Variants in NLRP1 observed in about 807,000 individuals in gnomAD.
NLRP1 encodes NACHT, LRR and PYD domains-containing protein 1.
A neutral mutation model predicts 136.7 loss-of-function variants in NLRP1; 94 were observed. That is an observed-to-expected ratio of 0.69 (90% CI 0.58 to 0.82). The LOEUF (loss-of-function observed/expected upper bound fraction) is 0.82. Ranked by LOEUF, NLRP1 falls within the 40% of genes least tolerant of loss-of-function variation. The pLI is 0.00. For missense variants in NLRP1, 1,575 were observed against 1,802.7 expected, an observed-to-expected ratio of 0.87 and a Z score of 2.29; for synonymous variants, 690 against 725.1, an observed-to-expected ratio of 0.95 and a Z score of 0.78.
chr17:5,512,604 C>T (rs1461210200), downstream of NLRP1: 1 of 477,522 alleles, frequency 2.1e-6, no homozygotes, highest in Non-Finnish European at 3.9e-6. Context: ...GCGTGAAGGA[C>T]CCGAAAGACA....
At chr17:5,509,669 T>C (rs1180784410), downstream of NLRP1, among the ~76,000 whole-genome samples, 8 of 152,118 alleles carry the variant, frequency 5.3e-5, no homozygotes, top group East Asian at 5.8e-4. Flanking sequence ...GCCCAGCTCA[T>C]TTTGTTTGTA....
chr17:5,549,590 A>G (rs955494798), intron 5 of NLRP1, among the ~76,000 whole-genome samples: 4 of 152,252 alleles, frequency 2.6e-5, no homozygotes, highest in Admixed American at 1.3e-4. Flanking sequence ...CCTAATTTTA[A>G]TATTTGTAGA....
intron 4 of NLRP1, among the ~76,000 whole-genome samples, chr17:5,554,654 A>G (rs921863333): frequency 2.0e-5 from 3 of 152,178 alleles, no homozygotes; most frequent in Non-Finnish European, 4.4e-5. Context: ...ATTAAAAGCT[A>G]CTAAAGAGTA....
In NLRP1 at chr17:5,559,141, C is replaced by T. The variant is rs1425612532; in HGVS notation, c.1555G>A (p.Val519Met). Reference protein sequence around the residue: ...SNKELWALCLVPWVSWLACTC... With the variant: ...SNKELWALCLMPWVSWLACTC... ...CAGGCCAGCCAGGACACCCAGGGCA[C>T]AAGACACAGGGCCCAGAGCTCTTTG... Residue 519 changes from valine to methionine, a missense_variant, in exon 4 of 17, where the codon GTG (valine) becomes ATG (methionine). Physicochemically the swap from Val to Met is conservative, Grantham distance 21. Transcript: ENST00000572272. 8 of 1,614,158 alleles carry T rather than the reference C, an allele frequency of 5.0e-6. No individual in the cohort carries two copies. In the East Asian group the frequency reaches 1.6e-4, roughly 31 times the overall value.
chr17:5,508,290 T>C (rs12603924), intron 15 of NLRP1, among the ~76,000 whole-genome samples: 49,609 of 151,898 alleles, frequency 0.33, 9,315 homozygotes, highest in African/African-American at 0.53. Context: ...CGAACGAGAC[T>C]CTGTCTCAAA....
chr17:5,553,408 G>A lies in NLRP1; in HGVS notation c.2506C>T (p.Arg836Cys), dbSNP rs1416367311. Residue 836 changes from arginine (R) to cysteine (C), a missense_variant, in exon 5 of 17, where the codon CGC becomes TGC. Arg to Cys is a radical substitution (Grantham distance 180). Transcript: ENST00000572272. ...KSLCKTLRRP[R>C]CLLETLRLAG... ...CACCGCAGGGTCTCCAGGAGGCAGC[G>A]AGGGCGTCTCAGGGTCTTACAAAGA... 6.2e-6 allele frequency: 10 copies of A among 1,613,468 alleles called. No homozygotes were observed. The highest frequency in any genetic ancestry group is 4.0e-5 in the African/African-American group (3 of 74,890).
chr17:5,537,604 G>A lies in NLRP1; in HGVS notation c.2871-664C>T, dbSNP rs545484485. On this transcript the variant is annotated intron_variant, in intron 7 of 16. Transcript: ENST00000572272. This position sits in a 1 kb window ranked among gnomAD's most constrained non-coding sequence, Gnocchi z 4.5. ...TGTTCTGAGGCCCAGACAAGGAGGC[G>A]GTGAAAAGACCCTGTCTTCTGCGAA... 5.9e-5 allele frequency among the ~76,000 whole-genome samples: 9 copies of A among 152,290 alleles called. No individual in the cohort carries two copies. The highest frequency in any genetic ancestry group is 7.2e-5 in the African/African-American group (3 of 41,566).
chr17:5,503,800 C>A (rs1210924864), intron 15 of NLRP1: 1 of 151,846 alleles, frequency 6.6e-6, no homozygotes, highest in African/African-American at 2.4e-5. Flanking sequence ...CCAGGAAAAA[C>A]CTCATGAGTC....
chr17:5,540,720 G>A (rs186456263), intron 6 of NLRP1, among the ~76,000 whole-genome samples: 3 of 152,248 alleles, frequency 2.0e-5, no homozygotes, highest in East Asian at 1.9e-4. Flanking sequence ...AGGGATCGCC[G>A]ACCCCTGATA....
chr17:5,519,239 TG>T (rs1010704619), intron 14 of NLRP1, among the ~76,000 whole-genome samples: 1 of 151,792 alleles, frequency 6.6e-6, no homozygotes, highest in Non-Finnish European at 1.5e-5. Context: ...CCTGACCTTG[TG>T]ATCCGCCCGC....
chr17:5,538,834 C>T (rs1911449895), intron 7 of NLRP1, among the ~76,000 whole-genome samples: 1 of 152,090 alleles, frequency 6.6e-6, no homozygotes, highest in African/African-American at 2.4e-5. Context: ...TTTGATCATG[C>T]CCGACTCTCT....
intron 15 of NLRP1, among the ~76,000 whole-genome samples, chr17:5,506,156 C>T (rs1304132112): frequency 1.3e-5 from 2 of 151,528 alleles, no homozygotes; most frequent in Non-Finnish European, 2.9e-5. Flanking sequence ...TGGGGGTGGG[C>T]GCCTGTAATC....
At position 5,536,851 on chromosome 17, in the gene NLRP1, C is replaced by T. The variant is rs539953884; in HGVS notation, c.2960G>A (p.Arg987Gln). Residue 987 changes from arginine to glutamine, a missense_variant and splice_region_variant, in exon 8 of 17, where the codon CGG becomes CAG. By Grantham distance (43) the Arg-to-Gln change is conservative. Transcript: ENST00000572272. Reference sequence around the variant, plus strand: ...GAGGGAGTTCTGGGTCCCCCCTTACCGTCTGCTGAAGATGAGCAGCTGAGG... The same window carrying T: ...GAGGGAGTTCTGGGTCCCCCCTTACTGTCTGCTGAAGATGAGCAGCTGAGG... ...EKPQLLIFSRRKPSVMTPTEG... is the reference protein window; with the variant it reads ...EKPQLLIFSRQKPSVMTPTEG... The T allele has an allele frequency of 1.2e-5, 19 of 1,609,556 alleles. No homozygotes were observed. Among genetic ancestry groups the T allele is most frequent in the Middle Eastern group, 1.7e-4 (1 of 6,054 alleles).
chr17:5,524,180 G>T (rs868598821), intron 12 of NLRP1, among the ~76,000 whole-genome samples: 2 of 152,274 alleles, frequency 1.3e-5, no homozygotes, highest in South Asian at 2.1e-4. Flanking sequence ...CCCAGACCGC[G>T]CCTGGCCACA....
intron 6 of NLRP1, among the ~76,000 whole-genome samples, chr17:5,540,722 C>A (rs914408101): frequency 6.6e-6 from 1 of 152,176 alleles, no homozygotes; most frequent in Non-Finnish European, 1.5e-5. Context: ...GGATCGCCGA[C>A]CCCTGATACT....
downstream of NLRP1, among the ~76,000 whole-genome samples, chr17:5,513,109 T>G (rs866020179): frequency 2.0e-4 from 30 of 152,374 alleles, no homozygotes; most frequent in Non-Finnish European, 3.5e-4. Flanking sequence ...AATACCTGGA[T>G]AGACTGTGTC....
intron 15 of NLRP1, among the ~76,000 whole-genome samples, chr17:5,515,801 C>G (rs940645254): frequency 1.3e-5 from 2 of 152,200 alleles, no homozygotes; most frequent in Non-Finnish European, 2.9e-5. Flanking sequence ...ACATCCCAGA[C>G]TTGGTTTTAA....
At chr17:5,580,185 A>G (rs533691391) in intron 3 of NLRP1, among the ~76,000 whole-genome samples, 2 of 152,282 alleles carry the variant, frequency 1.3e-5, no homozygotes, top group African/African-American at 4.8e-5. Context: ...CAGTGAGTGG[A>G]GATCACGCCA....
intron 2 of NLRP1, among the ~76,000 whole-genome samples, 174 bp downstream of exon 2, chr17:5,582,496 G>T (rs1261768882): frequency 2.6e-5 from 4 of 152,096 alleles, no homozygotes; most frequent in African/African-American, 9.7e-5. Flanking sequence ...GCACCGGAAG[G>T]TCCCTGAAAG....
Sources: gnomAD v4.1 joint callset for allele counts (sites outside exome capture counted in the v4.1 genomes callset) on GRCh38, gnomAD v4.1.1 for gene constraint, Gnocchi (gnomAD v3.1) non-coding constraint, MANE v1.5 for transcripts, NCBI Gene and HGNC (gene_info 2026-07-23, HGNC 2026-07-21) for gene names.